The following PRR16 variants were observed in gnomAD, a reference collection of about 807,000 sequenced individuals.
PRR16 encodes protein Largen.
A neutral mutation model predicts 18.2 loss-of-function variants in PRR16; 6 were observed. The ratio of observed to expected loss-of-function variants is 0.33; its 90% confidence interval spans 0.18 to 0.65. The LOEUF is 0.65. Ranked by LOEUF, PRR16 falls within the 30% of genes least tolerant of loss-of-function variation. PRR16 has a pLI of 0.74. For synonymous variants in PRR16, 151 were observed against 147.8 expected (o/e 1.02, Z -0.16); for missense variants, 412 against 376.6 (o/e 1.09, Z -0.78).
chr5:120,628,744 A>G (rs886172832), intron 1 of PRR16, among the ~76,000 whole-genome samples: 1 of 132,736 alleles, frequency 7.5e-6, no homozygotes, highest in African/African-American at 2.8e-5. Flanking sequence ...CTATCTATCT[A>G]TCTATCATCT....
chr5:120,484,588 GTATATAA>G (rs1054053688), intron 1 of PRR16, among the ~76,000 whole-genome samples: 1 of 142,728 alleles, frequency 7.0e-6, no homozygotes, highest in East Asian at 2.0e-4. Context: ...TTTATATATA[GTATATAA>G]TATATAATAT....
the PRR16 span, among the ~76,000 whole-genome samples, chr5:120,759,626 T>G: frequency 6.6e-6 from 1 of 152,236 alleles, no homozygotes; most frequent in African/African-American, 2.4e-5. Context: ...TATGTATTTG[T>G]CAAAACTCAT....
At chr5:120,465,046 C>G (rs1006907542) in intron 1 of PRR16, among the ~76,000 whole-genome samples, 1 of 152,092 alleles carries the variant, frequency 6.6e-6, no homozygotes, top group Non-Finnish European at 1.5e-5. Context: ...TTTGGCAAGT[C>G]CGCTGCCTAT....
chr5:120,659,399 A>AT (rs78217481), intron 1 of PRR16, among the ~76,000 whole-genome samples: 8,794 of 151,938 alleles, frequency 0.058, 308 homozygotes, highest in South Asian at 0.083. Flanking sequence ...AATGTAATAT[A>AT]TTTTCTCCTT....
the PRR16 span, among the ~76,000 whole-genome samples, chr5:120,705,603 T>A: frequency 6.6e-6 from 1 of 152,136 alleles, no homozygotes; most frequent in Admixed American, 6.5e-5. Context: ...TTTAAATTTT[T>A]ATTCTTGTGT....
intron 1 of PRR16, chr5:120,658,031 A>ATGTTGTTGTTGT (rs150042007): frequency 6.6e-6 from 1 of 151,352 alleles, no homozygotes; most frequent in South Asian, 2.1e-4. Context: ...GTGGGTTTTG[A>ATGTTGTTGTTGT]TGTTGTTGTT....
intron 1 of PRR16, among the ~76,000 whole-genome samples, chr5:120,672,841 G>T (rs1261982118): frequency 6.6e-6 from 1 of 152,138 alleles, no homozygotes; most frequent in Non-Finnish European, 1.5e-5. Context: ...CCATTATCTT[G>T]AGTTACAATT....
intron 1 of PRR16, among the ~76,000 whole-genome samples, chr5:120,606,482 T>G (rs2112797919): frequency 6.6e-6 from 1 of 152,312 alleles, no homozygotes; most frequent in Middle Eastern, 3.4e-3. Context: ...ATGAAAATTT[T>G]TATTACTGGT....
chr5:120,513,779 G>A, intron 1 of PRR16, among the ~76,000 whole-genome samples: 1 of 144,278 alleles, frequency 6.9e-6, no homozygotes, highest in African/African-American at 2.6e-5. Context: ...TTTTTTTTGA[G>A]ATGGAGTCTC....
the PRR16 span, among the ~76,000 whole-genome samples, chr5:120,701,573 T>C: frequency 5.3e-5 from 8 of 151,092 alleles, no homozygotes; most frequent in African/African-American, 2.0e-4. Context: ...GGAGGGGAGG[T>C]GATAAAAAGA....
chr5:120,679,813 A>G (rs1176538464), intron 1 of PRR16, among the ~76,000 whole-genome samples: 1 of 152,122 alleles, frequency 6.6e-6, no homozygotes, highest in Non-Finnish European at 1.5e-5. Context: ...CAACAAAAAC[A>G]ACAAAATCAG....
intron 1 of PRR16, among the ~76,000 whole-genome samples, chr5:120,623,467 A>G (rs1754755531): frequency 1.3e-5 from 2 of 152,152 alleles, no homozygotes; most frequent in Non-Finnish European, 2.9e-5. Flanking sequence ...TTCGCTACTT[A>G]CTAGTTATGT....
Position 120,661,518 on chromosome 5 carries a change from G to A in PRR16, c.160-24436G>A, listed in dbSNP as rs1331940013. On this transcript the variant is annotated intron_variant, in intron 1 of 1. Coordinates refer to ENST00000407149, the MANE Select transcript of PRR16 (RefSeq NM_001300783.2). ...CCTCTTGAATACTCTTTTTTTTTCTGTTCTGTAATAATGGAGTCAATATGG... is the reference window on the plus strand; with the variant it reads ...CCTCTTGAATACTCTTTTTTTTTCTATTCTGTAATAATGGAGTCAATATGG... Among the ~76,000 whole-genome samples, 6 of 150,826 alleles carry A rather than the reference G, an allele frequency of 4.0e-5. No homozygotes were observed. In the East Asian group the frequency reaches 1.2e-3, roughly 29 times the overall value.
chr5:120,565,054 G>A (rs1002937782), intron 1 of PRR16, among the ~76,000 whole-genome samples: 6 of 151,648 alleles, frequency 4.0e-5, no homozygotes, highest in African/African-American at 7.3e-5. Flanking sequence ...TCTTGTGATG[G>A]TGCTTTTCTG....
intron 1 of PRR16, among the ~76,000 whole-genome samples, chr5:120,632,460 A>G (rs1755088999): frequency 6.6e-6 from 1 of 152,152 alleles, no homozygotes; most frequent in Admixed American, 6.6e-5. Flanking sequence ...GTGAAGTCAA[A>G]TATAAAGAAA....
the PRR16 span, among the ~76,000 whole-genome samples, chr5:120,738,696 T>G: frequency 1.3e-5 from 2 of 152,172 alleles, no homozygotes; most frequent in Admixed American, 6.5e-5. Context: ...TTTGGCCTAT[T>G]ATCTTGGTAG....
intron 1 of PRR16, among the ~76,000 whole-genome samples, chr5:120,547,132 C>A (rs1056304718): frequency 6.6e-6 from 1 of 151,912 alleles, no homozygotes; most frequent in Admixed American, 6.6e-5. Context: ...GTTAGGGCAA[C>A]TAGAGATTCC....
chr5:120,598,042 C>T (rs1349550549), intron 1 of PRR16, among the ~76,000 whole-genome samples: 1 of 151,776 alleles, frequency 6.6e-6, no homozygotes, highest in Non-Finnish European at 1.5e-5. Context: ...CAGGACCGTC[C>T]TGAAGAAGTT....
intron 1 of PRR16, among the ~76,000 whole-genome samples, chr5:120,582,104 A>G (rs1450462010): frequency 6.6e-6 from 1 of 152,186 alleles, no homozygotes; most frequent in Non-Finnish European, 1.5e-5. Context: ...GTATATATAA[A>G]ACACAGGATA....
Sources: gnomAD v4.1 joint callset for allele counts (sites outside exome capture counted in the v4.1 genomes callset) on GRCh38, gnomAD v4.1.1 for gene constraint, MANE v1.5 for transcripts, NCBI Gene and HGNC (gene_info 2026-07-23, HGNC 2026-07-21) for gene names.